NTRK1: variants seen among roughly 807,000 people sequenced by gnomAD.
The protein encoded by NTRK1 is high affinity nerve growth factor receptor.
A neutral mutation model predicts 86.8 loss-of-function variants in NTRK1; 62 were observed. The observed-to-expected ratio is 0.71, with a 90% CI of 0.58 to 0.88. The LOEUF (loss-of-function observed/expected upper bound fraction) is 0.88, where lower values mean the gene tolerates loss of function less well. NTRK1 is among the 40% of genes least tolerant of loss of function. NTRK1 has a pLI of 0.00. For synonymous variants in NTRK1, 469 were observed against 456.6 expected, an observed-to-expected ratio of 1.03 and a Z score of -0.35; for missense variants, 967 against 1,078.4, an observed-to-expected ratio of 0.90 and a Z score of 1.45.
rs1158851450 is a variant in NTRK1, at chr1:156,875,827, T to C, written c.1501+161T>C. 5.8e-6 allele frequency: 7 copies of C among 1,210,744 alleles called. No individual in the cohort carries two copies. The Admixed American group carries it at 1.4e-4, about 24-fold the overall frequency. 75.0% of individuals were successfully genotyped at this position (1,210,744 alleles called of 1,614,324 possible). A position where few individuals can be genotyped will look rare whatever the true frequency, so the allele number is the denominator to read the frequency against. ...AGGCCCTGTCATATTCTTCTCAGGC[T>C]GAGTCCAGCCTGGCTCTTAGCTGCA... is the stretch of plus-strand genomic sequence containing the variant. On this transcript the variant is annotated intron_variant, in intron 12 of 16. Coordinates refer to ENST00000524377, the MANE Select transcript of NTRK1 (RefSeq NM_002529.4).
rs1218417649 is a variant in NTRK1, at chr1:156,849,326, C to G, written c.50+7133C>G. The G allele has an allele frequency of 1.9e-6, 3 of 1,613,758 alleles. No homozygotes were observed. In the Admixed American group the frequency reaches 5.0e-5, roughly 27 times the overall value. ...TCGCGTGCCTGTCACCTCCTCCAGT[C>G]GGTAGATGTGTTCCAAGCAGAGGCG... On this transcript the variant is annotated intron_variant, in intron 2 of 16. Transcript: ENST00000392302.
At chr1:156,857,923 C>G (rs1468259302), upstream of NTRK1, among the ~76,000 whole-genome samples, 2 of 152,182 alleles carry the variant, frequency 1.3e-5, no homozygotes, top group African/African-American at 4.8e-5. Context: ...AGTCCCCCCA[C>G]CCCTCCTCTC....
chr1:156,876,234 C>T (rs770416980), intron 13 of NTRK1, 24 bp downstream of exon 13: 2 of 1,613,512 alleles, frequency 1.2e-6, no homozygotes, highest in South Asian at 2.2e-5. Context: ...CCGGGGGGTA[C>T]TGCTGGCCTG....
At chr1:156,836,708 A>G (rs539850663) in intron 1 of NTRK1, among the ~76,000 whole-genome samples, 5 of 151,998 alleles carry the variant, frequency 3.3e-5, no homozygotes, top group South Asian at 2.1e-4. Flanking sequence ...AGGCCAAACC[A>G]TTCAGATGTG....
In NTRK1 at chr1:156,846,078, A is replaced by T; in HGVS notation, c.50+3885A>T. On this transcript the variant is annotated intron_variant, in intron 2 of 16. Transcript: ENST00000392302. ...TTCCAGCGCACCAGGAGGTGGGAGG[A>T]GGAGTTGGACGTGGAGATGACGTCT... The T allele has an allele frequency of 1.9e-6, 3 of 1,610,858 alleles. No individual in the cohort carries two copies. Among genetic ancestry groups the T allele is most frequent in the Non-Finnish European group, 2.5e-6 (3 of 1,178,224 alleles).
At chr1:156,875,095 G>A (rs1447697202) in intron 11 of NTRK1, 87 bp downstream of exon 11, 2 of 1,008,438 alleles carry the variant, frequency 2.0e-6, no homozygotes, top group South Asian at 2.6e-5. Context: ...TCTCTGGGGG[G>A]CTGTGCACAT....
At chr1:156,873,583 T>C (rs1240464938) in intron 7 of NTRK1, 50 bp from the exon 8 acceptor site, 1 of 1,520,404 alleles carries the variant, frequency 6.6e-7, no homozygotes. Flanking sequence ...TGTGCCAGGC[T>C]CCCTCCAGCT....
rs761332500 is a variant in NTRK1 at position 156,879,371 on chromosome 1, C to A, written c.2046+9C>A. On this transcript the variant is annotated intron_variant, in intron 15 of 16. Coordinates refer to ENST00000524377, the MANE Select transcript of NTRK1 (RefSeq NM_002529.4). ...GCACCGACTATTACCGTGTAAGGGTCCTTTGTCCCCAACGCCTTCCCCTGC... is the reference window on the plus strand; with the variant it reads ...GCACCGACTATTACCGTGTAAGGGTACTTTGTCCCCAACGCCTTCCCCTGC... The A allele has an allele frequency of 4.4e-6, 7 of 1,593,104 alleles. No individual in the cohort carries two copies. The South Asian group carries it at 7.7e-5, about 18-fold the overall frequency.
chr1:156,845,894 C>T, intron 2 of NTRK1: 1 of 1,598,134 alleles, frequency 6.3e-7, no homozygotes, highest in Non-Finnish European at 8.5e-7. Context: ...GGGCCCTGCG[C>T]CTCCATCTCC....
At chr1:156,832,290 T>C (rs1175690711) in intron 1 of NTRK1, among the ~76,000 whole-genome samples, 2 of 152,156 alleles carry the variant, frequency 1.3e-5, no homozygotes, top group Non-Finnish European at 2.9e-5. Flanking sequence ...CTGGAGTTTG[T>C]TATGGTTTCA....
rs776285928 is a variant in NTRK1 at position 156,876,036 on chromosome 1, C to A, written c.1502-44C>A. On this transcript the variant is annotated intron_variant, in intron 12 of 16. Transcript: ENST00000524377. ...GACAGTCCCCGCTACAACCCCAGCC[C>A]TCCCAAGACTGGGGCTACCGTCTGA... The A allele has an allele frequency of 6.2e-6, 10 of 1,613,996 alleles. No individual in the cohort carries two copies. The South Asian group carries it at 1.1e-4, about 18-fold the overall frequency.
intron 1 of NTRK1, among the ~76,000 whole-genome samples, chr1:156,831,832 A>T (rs1405492076): frequency 6.6e-6 from 1 of 152,222 alleles, no homozygotes; most frequent in Non-Finnish European, 1.5e-5. Flanking sequence ...GCTAGAAGGG[A>T]TGGGAGATTG....
chr1:156,838,836 T>C (rs1300213629), intron 1 of NTRK1, among the ~76,000 whole-genome samples: 1 of 152,210 alleles, frequency 6.6e-6, no homozygotes, highest in Non-Finnish European at 1.5e-5. Context: ...CTGTGAGGGT[T>C]AGGGGGCATA....
chr1:156,860,840 AAC>A (rs1655602844), upstream of NTRK1: 3 of 1,358,576 alleles, frequency 2.2e-6, no homozygotes, highest in Non-Finnish European at 2.8e-6. Flanking sequence ...CTGGGTCTTT[AAC>A]ACCGCCCAGC....
intron 1 of NTRK1, among the ~76,000 whole-genome samples, chr1:156,829,587 C>G (rs1291581993): frequency 2.0e-5 from 3 of 152,154 alleles, no homozygotes; most frequent in Non-Finnish European, 4.4e-5. Context: ...GGTAGGATGA[C>G]ACTATAAGGA....
rs762988807 is a variant in NTRK1, at chr1:156,861,174, C to T, written c.212+28C>T. On this transcript the variant is annotated intron_variant, in intron 1 of 16. Coordinates refer to ENST00000524377, the MANE Select transcript of NTRK1 (RefSeq NM_002529.4). ...GAGTGTCCGGCGGGCGGTGGGGGGGCGCGGGGACAGGCAGGCATTGCAGTG... is the reference window on the plus strand; with the variant it reads ...GAGTGTCCGGCGGGCGGTGGGGGGGTGCGGGGACAGGCAGGCATTGCAGTG... 1.9e-5 allele frequency: 29 copies of T among 1,537,422 alleles called. No individual in the cohort carries two copies. The Admixed American group carries it at 4.5e-4, about 24-fold the overall frequency.
chr1:156,845,541 A>G (rs546657424), intron 2 of NTRK1: 3 of 1,288,420 alleles, frequency 2.3e-6, no homozygotes. Flanking sequence ...CCACCCACAA[A>G]CCCCACCCCT....
chr1:156,845,615 G>T, intron 2 of NTRK1: 4 of 1,593,324 alleles, frequency 2.5e-6, no homozygotes, highest in Non-Finnish European at 2.6e-6. Context: ...CGCGCTCTTC[G>T]CACATGGGGA....
Position 156,851,496 on chromosome 1 carries a change from G to A in NTRK1, c.50+9303G>A, listed in dbSNP as rs748487205. The A allele has an allele frequency of 3.3e-5, 53 of 1,607,164 alleles. No homozygotes were observed. In the Admixed American group the frequency reaches 8.5e-4, roughly 26 times the overall value. On this transcript the variant is annotated intron_variant, in intron 2 of 16. Coordinates refer to the NTRK1 transcript ENST00000392302. The stretch of plus-strand genomic sequence containing the variant: ...GAAGGTGATGGGTCTGTGGGGCAAG[G>A]GGGCTGAATGGGGGCCCCGGGAAGG...
Sources: allele counts gnomAD v4.1 joint callset (sites outside exome capture counted in the v4.1 genomes callset), GRCh38; gene constraint gnomAD v4.1.1; transcripts MANE v1.5; gene names NCBI Gene and HGNC (gene_info 2026-07-23, HGNC 2026-07-21).